The following PIP5K1B variants were observed in gnomAD, a reference collection of about 807,000 sequenced individuals.
The protein encoded by PIP5K1B is phosphatidylinositol-4-phosphate 5-kinase type 1 beta.
PIP5K1B carries 42 observed loss-of-function variants against 67.0 expected under a neutral mutation model. The ratio of observed to expected loss-of-function variants is 0.63; its 90% confidence interval spans 0.49 to 0.81. The LOEUF (loss-of-function observed/expected upper bound fraction) is 0.81, where lower values mean the gene tolerates loss of function less well. Ranked by LOEUF, PIP5K1B falls within the 30% of genes least tolerant of loss-of-function variation. PIP5K1B has a pLI of 0.00. For synonymous variants in PIP5K1B, 214 were observed against 231.4 expected, an observed-to-expected ratio of 0.92 and a Z score of 0.68; for missense variants, 459 against 646.3, an observed-to-expected ratio of 0.71 and a Z score of 3.14.
intron 2 of PIP5K1B, among the ~76,000 whole-genome samples, chr9:68,771,136 T>C (rs754429878): frequency 5.9e-5 from 9 of 152,230 alleles, no homozygotes; most frequent in Admixed American, 2.6e-4. Flanking sequence ...GAAGAAATCA[T>C]TGGCTCCTTC....
intron 14 of PIP5K1B, among the ~76,000 whole-genome samples, chr9:68,965,434 C>T (rs941250640): frequency 3.9e-5 from 6 of 152,224 alleles, no homozygotes; most frequent in African/African-American, 9.6e-5. Flanking sequence ...ACCTCAATCA[C>T]AGGCTGGGAA....
intron 5 of PIP5K1B, among the ~76,000 whole-genome samples, chr9:68,866,766 A>T (rs1564193753): frequency 6.6e-6 from 1 of 152,112 alleles, no homozygotes. Context: ...AAGATAGTAG[A>T]GTTTGTGAGG....
At chr9:68,961,556 G>A (rs531185516) in intron 14 of PIP5K1B, among the ~76,000 whole-genome samples, 1 of 152,282 alleles carries the variant, frequency 6.6e-6, no homozygotes, top group South Asian at 2.1e-4. Flanking sequence ...TCACTGTAGG[G>A]CGATTTGGCT....
Position 68,899,085 on chromosome 9 carries a change from T to A in PIP5K1B, c.771+4447T>A, listed in dbSNP as rs1431279870. On this transcript the variant is annotated intron_variant, in intron 8 of 15. Coordinates refer to ENST00000265382, the MANE Select transcript of PIP5K1B (RefSeq NM_003558.4). ...TCTGTCTCCAGCCTTCTCTCTCCCC[T>A]CTCCTCTGATACAGATCCCCACTCT... 3.9e-5 allele frequency among the ~76,000 whole-genome samples: 6 copies of A among 152,142 alleles called. No homozygotes were observed. The South Asian group carries it at 1.0e-3, about 26-fold the overall frequency.
intron 14 of PIP5K1B, among the ~76,000 whole-genome samples, chr9:68,969,882 A>G (rs1219690144): frequency 6.6e-6 from 1 of 152,222 alleles, no homozygotes; most frequent in African/African-American, 2.4e-5. Flanking sequence ...GACTTTAGAA[A>G]ATCCGTAAAA....
intron 12 of PIP5K1B, among the ~76,000 whole-genome samples, chr9:68,924,274 C>A (rs1184576933): frequency 6.6e-6 from 1 of 151,270 alleles, no homozygotes; most frequent in Non-Finnish European, 1.5e-5. Context: ...TCGTGGTATG[C>A]ACCTGTAATC....
At position 69,008,574 on chromosome 9, in the gene PIP5K1B, A is replaced by C; in HGVS notation, c.*125A>C. The C allele has an allele frequency of 1.1e-6, 1 of 919,120 alleles. No individual in the cohort carries two copies. Among genetic ancestry groups the C allele is most frequent in the East Asian group, 2.5e-5 (1 of 40,582 alleles). 56.9% of individuals were successfully genotyped at this position (919,120 alleles called of 1,614,324 possible). ...CCCCACTACACACAGAGAAATCATCAACCTGACTTAAGAGTTTTCAAGATG... is the reference window on the plus strand; with the variant it reads ...CCCCACTACACACAGAGAAATCATCCACCTGACTTAAGAGTTTTCAAGATG... On this transcript the variant is annotated 3_prime_UTR_variant, in exon 16 of 16. Coordinates refer to ENST00000265382, the MANE Select transcript of PIP5K1B (RefSeq NM_003558.4).
chr9:68,764,074 CTTTTTTTTT>C (rs72304177), intron 2 of PIP5K1B, among the ~76,000 whole-genome samples: 16 of 73,548 alleles, frequency 2.2e-4, no homozygotes, highest in Admixed American at 1.7e-3. Flanking sequence ...ACTATAACTT[CTTTTTTTTT>C]TTTTTTTTTT....
chr9:68,922,882 T>C (rs1462458884), intron 11 of PIP5K1B, among the ~76,000 whole-genome samples: 1 of 152,236 alleles, frequency 6.6e-6, no homozygotes, highest in East Asian at 1.9e-4. Context: ...TACATTAGGA[T>C]AGTTTTGTTT....
intron 12 of PIP5K1B, among the ~76,000 whole-genome samples, chr9:68,926,007 G>C (rs1269719626): frequency 6.6e-6 from 1 of 151,622 alleles, no homozygotes; most frequent in African/African-American, 2.4e-5. Context: ...TGTTGGCCAG[G>C]CTGTCTTGAA....
Position 68,917,601 on chromosome 9 carries a change from C to T in PIP5K1B, c.825C>T (p.Phe275=), listed in dbSNP as rs963840650. 2.5e-6 allele frequency: 4 copies of T among 1,614,032 alleles called. No homozygotes were observed. In the Admixed American group the frequency reaches 6.7e-5, roughly 27 times the overall value. ...ATAGCCTTCTGTTGGGAATTCATTT[C>T]CTGGACCATTCCCTCAAAGAGAAAG... ...MDYSLLLGIH[F]LDHSLKEKEE... Residue 275 remains phenylalanine (F), a synonymous_variant, in exon 9 of 16, where the codon TTC becomes TTT. Transcript: ENST00000265382.
chr9:68,986,184 G>A (rs531892700), intron 14 of PIP5K1B, among the ~76,000 whole-genome samples: 25 of 152,324 alleles, frequency 1.6e-4, no homozygotes, highest in African/African-American at 5.1e-4. Flanking sequence ...TAGCTGTACC[G>A]TTTTATCAAA....
At chr9:68,984,858 A>C (rs1160874299) in intron 14 of PIP5K1B, among the ~76,000 whole-genome samples, 2 of 152,234 alleles carry the variant, frequency 1.3e-5, no homozygotes, top group Non-Finnish European at 2.9e-5. Context: ...TTGTTTCTGC[A>C]ATGACAAATT....
At chr9:68,924,403 A>G (rs1334078973) in intron 12 of PIP5K1B, among the ~76,000 whole-genome samples, 8,150 of 38,352 alleles carry the variant, frequency 0.21, 533 homozygotes, top group Non-Finnish European at 0.35. Context: ...CTGCGCCTCA[A>G]AAAAAAAAAA....
At chr9:68,885,743 A>C (rs1307354269) in intron 6 of PIP5K1B, among the ~76,000 whole-genome samples, 2 of 152,182 alleles carry the variant, frequency 1.3e-5, no homozygotes, top group African/African-American at 4.8e-5. Flanking sequence ...AATGTCCACT[A>C]CTCAGGTGAT....
rs754699472 is a variant in PIP5K1B, at chr9:68,940,815, C to T, written c.1502+25C>T. ...GGTAATACTTAGTGCAGTCAAATAA[C>T]CCATCAGGCTGTTACCACATCAACA... On this transcript the variant is annotated intron_variant, in intron 14 of 15. Transcript: ENST00000265382. The T allele has an allele frequency of 4.4e-6, 7 of 1,608,660 alleles. No individual in the cohort carries two copies. In the East Asian group the frequency reaches 1.3e-4, roughly 31 times the overall value.
At chr9:68,753,181 CTT>C (rs34880008) in intron 2 of PIP5K1B, among the ~76,000 whole-genome samples, 1,784 of 148,014 alleles carry the variant, frequency 0.012, 44 homozygotes, top group African/African-American at 0.04. Context: ...GAATTCTAGG[CTT>C]TTTTTTTTTT....
At chr9:68,940,387 GT>G (rs1210602593) in intron 13 of PIP5K1B, among the ~76,000 whole-genome samples, 1 of 152,040 alleles carries the variant, frequency 6.6e-6, no homozygotes, top group East Asian at 1.9e-4. Flanking sequence ...ACTTTATTAG[GT>G]TTTTAAAAGA....
intron 1 of PIP5K1B, among the ~76,000 whole-genome samples, chr9:68,730,051 ATTAC>A (rs1218151333): frequency 6.6e-6 from 1 of 152,214 alleles, no homozygotes; most frequent in African/African-American, 2.4e-5. Context: ...ACAATAGAAT[ATTAC>A]TTGCAGATAG....
Sources: gnomAD v4.1 joint callset for allele counts (sites outside exome capture counted in the v4.1 genomes callset) on GRCh38, gnomAD v4.1.1 for gene constraint, MANE v1.5 for transcripts, NCBI Gene and HGNC (gene_info 2026-07-23, HGNC 2026-07-21) for gene names.